The following PAGE1 variants were observed in gnomAD, a reference collection of about 807,000 sequenced individuals.
PAGE1 encodes P antigen family member 1.
PAGE1 carries 6 observed loss-of-function variants against 11.5 expected under a neutral mutation model. The observed-to-expected ratio is 0.52, with a 90% CI of 0.29 to 1.03. The LOEUF is 1.03. Among genes scored for constraint, PAGE1 ranks in the 50% least tolerant of loss-of-function variants. The pLI, the probability that PAGE1 is intolerant of heterozygous loss-of-function variation, is 0.09. For missense variants in PAGE1, 120 were observed against 110.2 expected (o/e 1.09, Z -0.40); for synonymous variants, 42 against 40.2 (o/e 1.05, Z -0.17).
intron 2 of PAGE1, 100 bp downstream of exon 2, chrX:49,694,608 G>GT (rs1457321005): frequency 2.2e-6 from 1 of 457,231 alleles, no homozygotes; most frequent in Non-Finnish European, 3.7e-6. Context: ...CTTTATTAGT[G>GT]TATCTATACT....
intron 1 of PAGE1, among the ~76,000 whole-genome samples, chrX:49,695,159 C>T (rs1201953418): frequency 8.9e-6 from 1 of 112,749 alleles, no homozygotes; most frequent in Non-Finnish European, 1.9e-5. Context: ...CGCACCACTG[C>T]GCCCCTCTGA....
intron 4 of PAGE1, among the ~76,000 whole-genome samples, chrX:49,689,825 T>TAG (rs781942852): frequency 1.0e-4 from 6 of 59,174 alleles, no homozygotes; most frequent in African/African-American, 5.5e-4. Context: ...CACACATATA[T>TAG]GTGTATATAT....
intron 4 of PAGE1, among the ~76,000 whole-genome samples, chrX:49,689,935 A>G (rs1197508586): frequency 1.9e-5 from 1 of 53,230 alleles, no homozygotes; most frequent in Non-Finnish European, 3.2e-5. Context: ...TAGGGTGTAT[A>G]TATATGTGTG....
At chrX:49,690,511 G>A (rs1362492952) in intron 4 of PAGE1, among the ~76,000 whole-genome samples, 3 of 110,168 alleles carry the variant, frequency 2.7e-5, no homozygotes, top group African/African-American at 6.6e-5. Context: ...ACCAATAAAC[G>A]CTGAGTGAAA....
chrX:49,689,665 T>TAC lies in PAGE1; in HGVS notation c.293-124_293-123dup, dbSNP rs1303807198. On this transcript the variant is annotated intron_variant, in intron 4 of 5. Coordinates refer to ENST00000376150, the MANE Select transcript of PAGE1 (RefSeq NM_003785.4). ...ATATATGTGTGTGTATATATATATA[T>TAC]ACATATACATATATGTGTGTATATA... 9.1e-5 allele frequency: 7 copies of TAC among 77,251 alleles called. No individual in the cohort carries two copies. The Admixed American group carries it at 1.4e-3, about 16-fold the overall frequency. 6.4% of individuals were successfully genotyped at this position (77,251 alleles called of 1,213,427 possible). A position where few individuals can be genotyped will look rare whatever the true frequency, so the allele number is the denominator to read the frequency against.
chrX:49,689,476 A>T lies in PAGE1; in HGVS notation c.360T>A (p.Gly120=), dbSNP rs782312199. Residue 120 remains glycine, a synonymous_variant, in exon 5 of 6, where the codon GGT becomes GGA. Transcript: ENST00000376150. ...HPKTGCERGD[G]PDVQELGLPN... ...GCAGGCCCAACTCCTGGACATCAGG[A>T]CCATCTCCGCGCTCACACCCAGTCT... 1.3e-5 allele frequency: 14 copies of T among 1,060,257 alleles called. No individual in the cohort carries two copies. The South Asian group carries it at 1.9e-4, about 14-fold the overall frequency. The allele number at this position is 1,060,257 out of a possible 1,213,427, so 87.4% of individuals were successfully genotyped here.
intron 1 of PAGE1, among the ~76,000 whole-genome samples, chrX:49,695,589 C>T (rs2066938803): frequency 8.9e-6 from 1 of 112,004 alleles, no homozygotes. Context: ...CCTCCAACAG[C>T]ACCCGCAGCA....
chrX:49,687,685 A>T (rs1213230160), intron 5 of PAGE1, 122 bp from the exon 6 acceptor site: 1 of 557,409 alleles, frequency 1.8e-6, no homozygotes, highest in East Asian at 3.6e-5. Flanking sequence ...TAGAACTCTA[A>T]GGGCGATCCT....
At chrX:49,689,804 A>ATATACACATATATATGTATATATG (rs2066905904) in intron 4 of PAGE1, among the ~76,000 whole-genome samples, 1 of 62,487 alleles carries the variant, frequency 1.6e-5, no homozygotes, top group Admixed American at 2.1e-4. Flanking sequence ...ATGTATATAT[A>ATATACACATATATATGTATATATG]TGTGTATATA....
chrX:49,689,355 T>C, intron 5 of PAGE1, 63 bp downstream of exon 5: 2 of 944,193 alleles, frequency 2.1e-6, no homozygotes, highest in South Asian at 4.7e-5. Context: ...AAATAATAAT[T>C]ATTATAATAT....
Position 49,689,495 on chromosome X carries a change from C to G in PAGE1, c.341G>C (p.Gly114Ala). ...ATCAGGACCATCTCCGCGCTCACAC[C>G]CAGTCTTCGGGTGAACCTGTTCCTG... is the stretch of plus-strand genomic sequence containing the variant. Reference protein sequence around the residue: ...DSQEQVHPKTGCERGDGPDVQ... With the variant: ...DSQEQVHPKTACERGDGPDVQ... Residue 114 changes from glycine (G) to alanine (A), a missense_variant, in exon 5 of 6, where the codon GGG (glycine) becomes GCG (alanine). Coordinates refer to ENST00000376150, the MANE Select transcript of PAGE1 (RefSeq NM_003785.4). 9.9e-7 allele frequency: 1 copy of G among 1,013,511 alleles called. No homozygotes were observed. The highest frequency in any genetic ancestry group is 1.3e-6 in the Non-Finnish European group (1 of 789,746). The allele number at this position is 1,013,511 out of a possible 1,213,427, so 83.5% of individuals were successfully genotyped here.
chrX:49,689,917 CACATATATAGGGTGTATATATAT>C (rs1195633700), intron 4 of PAGE1, among the ~76,000 whole-genome samples: 1 of 447 alleles, frequency 2.2e-3, no homozygotes, highest in Non-Finnish European at 3.2e-3. Context: ...TGTATATACA[CACATATATAGGGTGTATATATAT>C]GTGTGTATAT....
In PAGE1 at chrX:49,694,778, A is replaced by G. The variant is rs146910187; in HGVS notation, c.-8T>C. Reference sequence around the variant, plus strand: ...TCTTCTTAGAAAACCCATATTTCACACTGAAAAGAGAAAATTGTGATTGGG... The same window carrying G: ...TCTTCTTAGAAAACCCATATTTCACGCTGAAAAGAGAAAATTGTGATTGGG... On this transcript the variant is annotated splice_region_variant and 5_prime_UTR_variant, in exon 2 of 6. Coordinates refer to ENST00000376150, the MANE Select transcript of PAGE1 (RefSeq NM_003785.4). 14 of 1,135,727 alleles carry G rather than the reference A, an allele frequency of 1.2e-5. No individual in the cohort carries two copies. In the African/African-American group the frequency reaches 1.8e-4, roughly 14 times the overall value. 93.6% of individuals were successfully genotyped at this position (1,135,727 alleles called of 1,213,427 possible). A position where few individuals can be genotyped will look rare whatever the true frequency, so the allele number is the denominator to read the frequency against.
intron 4 of PAGE1, among the ~76,000 whole-genome samples, 161 bp from the exon 5 acceptor site, chrX:49,689,704 A>G (rs1464761522): frequency 1.2e-4 from 7 of 58,451 alleles, no homozygotes; most frequent in South Asian, 1.1e-3. Context: ...ACACATATAT[A>G]TGTGTATATA....
At chrX:49,690,679 G>A (rs1224302455) in intron 4 of PAGE1, among the ~76,000 whole-genome samples, 1 of 111,150 alleles carries the variant, frequency 9.0e-6, no homozygotes, top group Non-Finnish European at 1.9e-5. Flanking sequence ...ACAAGCACAT[G>A]TAAGACGTGA....
At chrX:49,694,047 CA>C in intron 3 of PAGE1, 51 bp downstream of exon 3, 1 of 678,261 alleles carries the variant, frequency 1.5e-6, no homozygotes, top group South Asian at 2.4e-5. Context: ...CACACACACA[CA>C]CACACACACA....
At chrX:49,695,506 C>A (rs1166536273) in intron 1 of PAGE1, among the ~76,000 whole-genome samples, 1 of 111,713 alleles carries the variant, frequency 9.0e-6, no homozygotes, top group Non-Finnish European at 1.9e-5. Flanking sequence ...ACCCACCTCC[C>A]GCCTCGGGGC....
In PAGE1 at chrX:49,689,597, T is replaced by TATATATATACATATAC. The variant is rs2066899834; in HGVS notation, c.293-55_293-54insGTATATGTATATATAT. On this transcript the variant is annotated intron_variant, in intron 4 of 5. Transcript: ENST00000376150. ...AAAAATATATATATATATATATATA[T>TATATATATACATATAC]ATATATATATATATACATATACATA... is the stretch of plus-strand genomic sequence containing the variant. 4 of 62,864 alleles carry TATATATATACATATAC rather than the reference T, an allele frequency of 6.4e-5. 1 individual carries two copies. The highest frequency in any genetic ancestry group is 3.8e-4 in the African/African-American group (4 of 10,593). 5.2% of individuals were successfully genotyped at this position (62,864 alleles called of 1,213,427 possible).
chrX:49,691,143 A>G, intron 4 of PAGE1, 106 bp downstream of exon 4: 1 of 812,595 alleles, frequency 1.2e-6, no homozygotes, highest in Non-Finnish European at 1.7e-6. Context: ...GAGCCACTGC[A>G]CTCCAGCCTG....
Sources: gnomAD v4.1 joint callset for allele counts (sites outside exome capture counted in the v4.1 genomes callset) on GRCh38, gnomAD v4.1.1 for gene constraint, MANE v1.5 for transcripts, NCBI Gene and HGNC (gene_info 2026-07-23, HGNC 2026-07-21) for gene names.